ACBD3: variants seen among roughly 807,000 people sequenced by gnomAD.
The protein encoded by ACBD3 is Golgi resident protein GCP60.
A neutral mutation model predicts 66.9 loss-of-function variants in ACBD3; 30 were observed. The observed-to-expected ratio is 0.45, with a 90% CI of 0.34 to 0.61. The LOEUF (loss-of-function observed/expected upper bound fraction) is 0.61. Among genes scored for constraint, ACBD3 ranks in the 20% least tolerant of loss-of-function variants. The probability of loss-of-function intolerance (pLI) is 0.02; values close to 1 mark genes in which losing one functional copy is unlikely to be tolerated. For missense variants in ACBD3, 544 were observed against 664.5 expected, an observed-to-expected ratio of 0.82 and a Z score of 1.99; for synonymous variants, 278 against 259.8, an observed-to-expected ratio of 1.07 and a Z score of -0.68.
At chr1:226,169,310 C>A (rs545745021) in intron 1 of ACBD3, among the ~76,000 whole-genome samples, 1 of 151,952 alleles carries the variant, frequency 6.6e-6, no homozygotes, top group South Asian at 2.1e-4. Context: ...TGCCGTGGTG[C>A]GATCTCGGCT....
intron 7 of ACBD3, 136 bp downstream of exon 7, chr1:226,152,199 G>T: frequency 8.2e-7 from 1 of 1,212,962 alleles, no homozygotes; most frequent in Non-Finnish European, 1.2e-6. Flanking sequence ...TCAGCCCAAG[G>T]TCCCACTAAT....
intron 1 of ACBD3, among the ~76,000 whole-genome samples, chr1:226,175,500 C>A (rs1244431359): frequency 1.3e-5 from 2 of 151,950 alleles, no homozygotes; most frequent in Non-Finnish European, 2.9e-5. Flanking sequence ...AAGGTTTGCA[C>A]AAGAACAAAA....
chr1:226,155,320 G>A (rs1407774087), intron 5 of ACBD3, among the ~76,000 whole-genome samples: 1 of 151,832 alleles, frequency 6.6e-6, no homozygotes, highest in East Asian at 1.9e-4. Flanking sequence ...GGGAGGCTGA[G>A]GCAGGAGAAT....
At chr1:226,168,184 A>G (rs1576236784) in intron 1 of ACBD3, among the ~76,000 whole-genome samples, 2 of 152,228 alleles carry the variant, frequency 1.3e-5, no homozygotes, top group Admixed American at 6.5e-5. Flanking sequence ...TTGTAATTAT[A>G]TAACAATATA....
At chr1:226,158,185 A>G (rs1013679975) in intron 5 of ACBD3, among the ~76,000 whole-genome samples, 12 of 152,214 alleles carry the variant, frequency 7.9e-5, no homozygotes, top group Non-Finnish European at 1.6e-4. Flanking sequence ...AAGAATACAC[A>G]TTTTCAAGGA....
chr1:226,178,634 A>G (rs1170303124), intron 1 of ACBD3, among the ~76,000 whole-genome samples: 1 of 150,532 alleles, frequency 6.6e-6, no homozygotes, highest in African/African-American at 2.4e-5. Flanking sequence ...TTATAGGAGA[A>G]ATCATATTTT....
chr1:226,175,428 T>C (rs1558130667), intron 1 of ACBD3, among the ~76,000 whole-genome samples: 1 of 152,322 alleles, frequency 6.6e-6, no homozygotes, highest in East Asian at 1.9e-4. Flanking sequence ...AACTAAGTCT[T>C]ACCACAAACA....
At position 226,179,060 on chromosome 1, in the gene ACBD3, C is replaced by T. The variant is rs143289501; in HGVS notation, c.286+7330G>A. On this transcript the variant is annotated intron_variant, in intron 1 of 7. Coordinates refer to ENST00000366812, the MANE Select transcript of ACBD3 (RefSeq NM_022735.4). ...TCTCTATTCTCTTGGCTACACATTCCCAGCTTAGTCAATCATACTTCAAAT... is the reference window on the plus strand; with the variant it reads ...TCTCTATTCTCTTGGCTACACATTCTCAGCTTAGTCAATCATACTTCAAAT... 5.4e-3 allele frequency among the ~76,000 whole-genome samples: 820 copies of T among 152,244 alleles called. 6 individuals are homozygous for T. Among genetic ancestry groups the T allele is most frequent in the Non-Finnish European group, 8.1e-3 (550 of 68,024 alleles).
chr1:226,147,493 A>G (rs1399306502), intron 7 of ACBD3, among the ~76,000 whole-genome samples: 1 of 152,146 alleles, frequency 6.6e-6, no homozygotes, highest in Non-Finnish European at 1.5e-5. Flanking sequence ...AATTTCACTC[A>G]TCTGAGTAAC....
intron 1 of ACBD3, among the ~76,000 whole-genome samples, chr1:226,175,091 C>CAAAAAA (rs35201518): frequency 3.0e-4 from 23 of 75,936 alleles, no homozygotes; most frequent in Admixed American, 7.9e-4. Flanking sequence ...GACTCCATCT[C>CAAAAAA]AAAAAAAAAA....
At chr1:226,152,684 TC>T in intron 6 of ACBD3, 65 bp from the exon 7 acceptor site, 1 of 1,470,932 alleles carries the variant, frequency 6.8e-7, no homozygotes, top group Non-Finnish European at 9.2e-7. Flanking sequence ...AGCCACATTT[TC>T]ATAGCACTAC....
In ACBD3 at chr1:226,186,411, G is replaced by C. The variant is rs551195660; in HGVS notation, c.265C>G (p.Leu89Val). ...WGFGLEELYG[L>V]ALRFFKEKDG... is the part of the protein sequence containing the mutation. ...TCACCTTTGAAGAAGCGCAGTGCCA[G>C]GCCGTACAACTCCTCCAGGCCGAAA... is the stretch of plus-strand genomic sequence containing the variant. Residue 89 changes from leucine (L) to valine (V), a missense_variant, in exon 1 of 8, where the codon CTG becomes GTG. Leu to Val is a conservative substitution (Grantham distance 32). Around this residue, in one of 3 missense-constraint regions of ACBD3, gnomAD observed 137 missense variants for 145.9 expected, o/e 0.94. Coordinates refer to ENST00000366812, the MANE Select transcript of ACBD3 (RefSeq NM_022735.4). 1 of 1,524,236 alleles carries C rather than the reference G, an allele frequency of 6.6e-7. No individual in the cohort carries two copies. The highest frequency in any genetic ancestry group is 1.2e-5 in the South Asian group (1 of 82,564). The allele number at this position is 1,524,236 out of a possible 1,614,324, so 94.4% of individuals were successfully genotyped here.
chr1:226,157,838 C>T (rs538677132), intron 5 of ACBD3, among the ~76,000 whole-genome samples: 4 of 152,350 alleles, frequency 2.6e-5, no homozygotes, highest in Non-Finnish European at 4.4e-5. Context: ...CCACTATGCC[C>T]AGCCTCCATT....
At chr1:226,169,142 C>G (rs1378442094) in intron 1 of ACBD3, among the ~76,000 whole-genome samples, 1 of 152,182 alleles carries the variant, frequency 6.6e-6, no homozygotes, top group Non-Finnish European at 1.5e-5. Flanking sequence ...AGATTACAGG[C>G]GTGAGCCACT....
At chr1:226,151,332 C>T (rs1659568967) in intron 7 of ACBD3, among the ~76,000 whole-genome samples, 1 of 152,184 alleles carries the variant, frequency 6.6e-6, no homozygotes, top group Non-Finnish European at 1.5e-5. Flanking sequence ...CACTTTCAAT[C>T]AAGTCAACAA....
rs772136879 is a variant in ACBD3 at position 226,186,646 on chromosome 1, G to A, written c.30C>T (p.Leu10=). 1 of 1,514,828 alleles carries A rather than the reference G, an allele frequency of 6.6e-7. No homozygotes were observed. Among genetic ancestry groups the A allele is most frequent in the South Asian group, 1.2e-5 (1 of 82,506 alleles). The allele number at this position is 1,514,828 out of a possible 1,614,324, so 93.8% of individuals were successfully genotyped here. A position where few individuals can be genotyped will look rare whatever the true frequency, so the allele number is the denominator to read the frequency against. Residue 10 remains leucine, a synonymous_variant, in exon 1 of 8, where the codon CTC becomes CTT. Coordinates refer to ENST00000366812, the MANE Select transcript of ACBD3 (RefSeq NM_022735.4). MAAVLNAER[L]EVSVDGLTLS... is the part of the protein sequence containing the mutation. ...GCGTGAGGCCGTCGACGGACACCTCGAGTCGCTCTGCGTTCAGCACCGCCG... is the reference window on the plus strand; with the variant it reads ...GCGTGAGGCCGTCGACGGACACCTCAAGTCGCTCTGCGTTCAGCACCGCCG...
chr1:226,186,333 C>T, intron 1 of ACBD3, 57 bp downstream of exon 1: 1 of 1,462,734 alleles, frequency 6.8e-7, no homozygotes, highest in East Asian at 3.0e-5. Context: ...GACCACAGCC[C>T]ACGCCGGGCT....
intron 1 of ACBD3, among the ~76,000 whole-genome samples, chr1:226,178,427 T>C (rs557812331): frequency 2.0e-5 from 3 of 151,518 alleles, no homozygotes; most frequent in Admixed American, 1.3e-4. Context: ...AAAAAAAAAT[T>C]AGCCGGGCAT....
chr1:226,176,618 T>C (rs963288272), intron 1 of ACBD3, among the ~76,000 whole-genome samples: 17 of 152,168 alleles, frequency 1.1e-4, no homozygotes, highest in Non-Finnish European at 2.1e-4. Context: ...TTAACAATAG[T>C]TGTGATCCTG....
Sources: allele counts gnomAD v4.1 joint callset (sites outside exome capture counted in the v4.1 genomes callset), GRCh38; gene constraint gnomAD v4.1.1; regional missense constraint gnomAD v4.1.1; transcripts MANE v1.5; gene names NCBI Gene and HGNC (gene_info 2026-07-23, HGNC 2026-07-21).